The following SLCO1B3 variants were observed in gnomAD, a reference collection of about 807,000 sequenced individuals.
The protein encoded by SLCO1B3 is liver-specific organic anion transporter 2.
Under a neutral mutation model 71.8 loss-of-function variants are expected in SLCO1B3, and 72 were observed. The ratio of observed to expected loss-of-function variants is 1.00; its 90% CI spans 0.83 to 1.22. The LOEUF is 1.22. SLCO1B3 is among the 50% of genes most tolerant of loss of function. SLCO1B3 has a pLI of 0.00. For missense variants in SLCO1B3, 911 were observed against 819.7 expected, an observed-to-expected ratio of 1.11 and a Z score of -1.36; for synonymous variants, 298 against 278.4, an observed-to-expected ratio of 1.07 and a Z score of -0.70.
Position 20,862,463 on chromosome 12 carries a change from A to G in SLCO1B3, c.533A>G (p.Asn178Ser), listed in dbSNP as rs1262714734. 2 of 1,613,256 alleles carry G rather than the reference A, an allele frequency of 1.2e-6. No homozygotes were observed. Among genetic ancestry groups the G allele is most frequent in the Non-Finnish European group, 1.7e-6 (2 of 1,179,446 alleles). Residue 178 changes from asparagine to serine, a missense_variant, in exon 7 of 16, where the codon AAT becomes AGT. Asn to Ser is a conservative substitution (Grantham distance 46). Transcript: ENST00000381545. ...ATGTGGATCTATGTCTTCATGGGGA[A>G]TATGCTTCGTGGCATAGGGGAAACC... ...SHMWIYVFMG[N>S]MLRGIGETPI...
At chr12:20,843,444 G>A (rs981090402) in intron 3 of SLCO1B3, among the ~76,000 whole-genome samples, 3 of 152,040 alleles carry the variant, frequency 2.0e-5, no homozygotes, top group Non-Finnish European at 4.4e-5. Flanking sequence ...TGACTACATG[G>A]CTAAATATAA....
At chr12:20,845,907 G>T (rs2121190747) in intron 3 of SLCO1B3, among the ~76,000 whole-genome samples, 1 of 151,114 alleles carries the variant, frequency 6.6e-6, no homozygotes, top group South Asian at 2.1e-4. Context: ...CCATTGTTAG[G>T]TGCATAAAAA....
chr12:20,826,231 T>TTC (rs1461225689), intron 3 of SLCO1B3, among the ~76,000 whole-genome samples: 5 of 6,300 alleles, frequency 7.9e-4, no homozygotes, highest in South Asian at 0.01. Flanking sequence ...AAGGTAAAAC[T>TTC]TTTTTTTTAT....
rs142241896 is a variant in SLCO1B3 at position 20,912,301 on chromosome 12, TTTTA to T, written c.1866-3659_1866-3656del. Reference sequence around the variant, plus strand: ...CAAATTTCTTCTATTTTATTTTTATTTTTATTTATTTATTTATTTATTTATTTAT... The same window carrying T: ...CAAATTTCTTCTATTTTATTTTTATTTTTATTTATTTATTTATTTATTTAT... On this transcript the variant is annotated intron_variant, in intron 15 of 15. Transcript: ENST00000381545. Among the ~76,000 whole-genome samples the T allele has an allele frequency of 3.8e-3, 529 of 139,692 alleles. 3 individuals carry two copies. The highest frequency in any genetic ancestry group is 0.013 in the African/African-American group (471 of 36,980). 91.6% of individuals were successfully genotyped at this position (139,692 alleles called of 152,430 possible).
chr12:20,890,587 A>G (rs960872080), intron 13 of SLCO1B3, among the ~76,000 whole-genome samples: 1 of 152,176 alleles, frequency 6.6e-6, no homozygotes, highest in Non-Finnish European at 1.5e-5. Context: ...TTTGGCTGCC[A>G]TGATCTGCCT....
intron 3 of SLCO1B3, among the ~76,000 whole-genome samples, chr12:20,819,387 G>A (rs570046580): frequency 6.2e-4 from 94 of 152,312 alleles, no homozygotes; most frequent in Non-Finnish European, 5.9e-5. Context: ...CCTTGTGGCA[G>A]TGCAGCCCAG....
chr12:20,882,039 T>G (rs1865705154), intron 12 of SLCO1B3, among the ~76,000 whole-genome samples: 1 of 152,146 alleles, frequency 6.6e-6, no homozygotes, highest in South Asian at 2.1e-4. Flanking sequence ...AAGACTATAC[T>G]TAAAAGCCCA....
chr12:20,836,637 T>TTTTAG (rs1555152656), intron 3 of SLCO1B3, among the ~76,000 whole-genome samples: 1 of 152,040 alleles, frequency 6.6e-6, no homozygotes, highest in Non-Finnish European at 1.5e-5. Context: ...TTCTTTCTGT[T>TTTTAG]TTTTGTTTTG....
chr12:20,856,685 G>T (rs1001638057), intron 4 of SLCO1B3, among the ~76,000 whole-genome samples: 2 of 152,092 alleles, frequency 1.3e-5, no homozygotes, highest in Non-Finnish European at 2.9e-5. Flanking sequence ...TCAGCCTCCC[G>T]AGTAGCTGGG....
intron 8 of SLCO1B3, among the ~76,000 whole-genome samples, chr12:20,866,754 C>T (rs1865379720): frequency 6.6e-6 from 1 of 151,950 alleles, no homozygotes; most frequent in African/African-American, 2.4e-5. Context: ...ACAAAGTACA[C>T]TTATTAATGA....
chr12:20,862,282 G>C, intron 6 of SLCO1B3, 130 bp from the exon 7 acceptor site: 1 of 1,082,670 alleles, frequency 9.2e-7, no homozygotes, highest in Non-Finnish European at 1.3e-6. Flanking sequence ...TTTGTAAAGT[G>C]AATATGAATC....
chr12:20,852,306 T>C (rs1354442878), intron 3 of SLCO1B3, among the ~76,000 whole-genome samples: 1 of 151,988 alleles, frequency 6.6e-6, no homozygotes, highest in African/African-American at 2.4e-5. Context: ...CACAGCAAGA[T>C]GCCACATCTT....
At position 20,862,393 on chromosome 12, in the gene SLCO1B3, C is replaced by T; in HGVS notation, c.482-19C>T. On this transcript the variant is annotated intron_variant, in intron 6 of 15. Transcript: ENST00000381545. ...GTTAAAATTAATGTTTAAAGTAAAA[C>T]ACTCTCTTGTCTCGATAGATTGTGT... The T allele has an allele frequency of 5.1e-6, 8 of 1,582,934 alleles. No homozygotes were observed. Among genetic ancestry groups the T allele is most frequent in the Non-Finnish European group, 6.8e-6 (8 of 1,169,554 alleles).
In SLCO1B3 at chr12:20,867,840, A is replaced by T. The variant is rs1054597823; in HGVS notation, c.727+4986A>T. Among the ~76,000 whole-genome samples the T allele has an allele frequency of 2.0e-5, 3 of 152,034 alleles. No homozygotes were observed. In the East Asian group the frequency reaches 5.8e-4, roughly 29 times the overall value. On this transcript the variant is annotated intron_variant, in intron 8 of 15. Coordinates refer to ENST00000381545, the MANE Select transcript of SLCO1B3 (RefSeq NM_019844.4). Reference sequence around the variant, plus strand: ...TGTACCTGTCTTTCCTGTAGAAATTATGATGTGTTTCTGTAAAGCCACACT... The same window carrying T: ...TGTACCTGTCTTTCCTGTAGAAATTTTGATGTGTTTCTGTAAAGCCACACT...
At chr12:20,891,886 C>T (rs547623153) in intron 13 of SLCO1B3, among the ~76,000 whole-genome samples, 5 of 152,018 alleles carry the variant, frequency 3.3e-5, no homozygotes, top group South Asian at 2.1e-4. Context: ...GTCTGCTTCT[C>T]GTAATAAAAT....
At chr12:20,864,813 AAATTT>A (rs1195290930) in intron 8 of SLCO1B3, among the ~76,000 whole-genome samples, 1 of 152,166 alleles carries the variant, frequency 6.6e-6, no homozygotes, top group African/African-American at 2.4e-5. Flanking sequence ...ATACTTTGGT[AAATTT>A]TAATTCCTAC....
chr12:20,829,901 A>G (rs1864504273), intron 3 of SLCO1B3, among the ~76,000 whole-genome samples: 1 of 152,126 alleles, frequency 6.6e-6, no homozygotes, highest in South Asian at 2.1e-4. Context: ...TGTAGCAGTG[A>G]GGATGACCAG....
rs193130236 is a variant in SLCO1B3, at chr12:20,906,891, A to G, written c.1865+5424A>G. ...AGTATATAACTTTGAGCCAACAGCA[A>G]TACTTCTAGGAATTTATCCTAAAGA... On this transcript the variant is annotated intron_variant, in intron 15 of 15. Transcript: ENST00000381545. 1.5e-3 allele frequency among the ~76,000 whole-genome samples: 235 copies of G among 152,312 alleles called. 1 individual carries two copies. The highest frequency in any genetic ancestry group is 5.4e-3 in the African/African-American group (223 of 41,566).
intron 13 of SLCO1B3, among the ~76,000 whole-genome samples, chr12:20,890,078 C>T (rs1222197341): frequency 6.6e-6 from 1 of 151,776 alleles, no homozygotes; most frequent in East Asian, 1.9e-4. Context: ...CCACCACACC[C>T]AGCTAATTTT....
Sources: gnomAD v4.1 joint callset for allele counts (sites outside exome capture counted in the v4.1 genomes callset) on GRCh38, gnomAD v4.1.1 for gene constraint, MANE v1.5 for transcripts, NCBI Gene and HGNC (gene_info 2026-07-23, HGNC 2026-07-21) for gene names.